HSPA12A: variants seen among roughly 807,000 people sequenced by gnomAD.
HSPA12A encodes the protein heat shock 70 kDa protein 12A.
HSPA12A carries 28 observed loss-of-function variants against 69.2 expected under a neutral mutation model. That is an observed-to-expected ratio of 0.40 (90% CI 0.30 to 0.55). HSPA12A has a LOEUF of 0.55. HSPA12A is among the 20% of genes least tolerant of loss of function. HSPA12A has a pLI of 0.38. For synonymous variants in HSPA12A, 345 were observed against 370.5 expected, an observed-to-expected ratio of 0.93 and a Z score of 0.79; for missense variants, 686 against 900.7, an observed-to-expected ratio of 0.76 and a Z score of 3.05.
At chr10:116,765,730 A>G (rs1452673504) in intron 2 of HSPA12A, among the ~76,000 whole-genome samples, 1 of 152,154 alleles carries the variant, frequency 6.6e-6, no homozygotes, top group African/African-American at 2.4e-5. Flanking sequence ...AACCTGCCAT[A>G]GCCTGCTGTT....
At chr10:116,823,637 A>G (rs184536535) in intron 2 of HSPA12A, among the ~76,000 whole-genome samples, 16 of 152,338 alleles carry the variant, frequency 1.1e-4, no homozygotes, top group Admixed American at 1.0e-3. Flanking sequence ...GGGTGAAGAC[A>G]ATTTAGTGGG....
At chr10:116,713,513 G>A (rs376132960) in intron 1 of HSPA12A, among the ~76,000 whole-genome samples, 11 of 152,072 alleles carry the variant, frequency 7.2e-5, no homozygotes, top group East Asian at 1.9e-4. Context: ...ATCCTGACAC[G>A]GGGTAGCAAC....
In HSPA12A at chr10:116,738,928, A is replaced by T. The variant is rs58409652; in HGVS notation, c.40+3502T>A. Among the ~76,000 whole-genome samples, 393 of 152,368 alleles carry T rather than the reference A, an allele frequency of 2.6e-3. 1 individual carries two copies. The highest frequency in any genetic ancestry group is 9.1e-3 in the African/African-American group (378 of 41,590). ...ACCAAGGCGGCAGACAAGTTGCAGC[A>T]GCAGATGTTGACACGGAAGTGGATC... is the stretch of plus-strand genomic sequence containing the variant. On this transcript the variant is annotated intron_variant, in intron 1 of 11. Coordinates refer to ENST00000369209, the MANE Select transcript of HSPA12A (RefSeq NM_025015.3).
chr10:116,841,012 T>C (rs1429776769), intron 1 of HSPA12A, among the ~76,000 whole-genome samples: 1 of 152,182 alleles, frequency 6.6e-6, no homozygotes, highest in Non-Finnish European at 1.5e-5. Context: ...GCTGCTTCCC[T>C]TGGCCGTATC....
intron 1 of HSPA12A, among the ~76,000 whole-genome samples, chr10:116,726,031 A>G (rs7909595): frequency 9.5e-4 from 68 of 71,708 alleles, no homozygotes; most frequent in African/African-American, 3.8e-3. Flanking sequence ...ACACACGCAC[A>G]CACACACACA....
At chr10:116,776,939 G>C (rs1024195173) in intron 2 of HSPA12A, among the ~76,000 whole-genome samples, 2 of 152,232 alleles carry the variant, frequency 1.3e-5, no homozygotes, top group African/African-American at 4.8e-5. Context: ...GGGAGATATT[G>C]ACAACCTGGA....
intron 2 of HSPA12A, among the ~76,000 whole-genome samples, chr10:116,806,829 T>C (rs925435285): frequency 6.6e-6 from 1 of 152,196 alleles, no homozygotes; most frequent in East Asian, 1.9e-4. Flanking sequence ...GATATATCCA[T>C]GTCAAATCCC....
At chr10:116,836,826 C>G (rs185296540) in intron 1 of HSPA12A, among the ~76,000 whole-genome samples, 38 of 151,876 alleles carry the variant, frequency 2.5e-4, no homozygotes, top group Middle Eastern at 3.4e-3. Context: ...CCTAAAATTA[C>G]ATCTATTCGT....
chr10:116,782,226 C>T (rs1554891874), intron 2 of HSPA12A, among the ~76,000 whole-genome samples: 1 of 152,046 alleles, frequency 6.6e-6, no homozygotes, highest in African/African-American at 2.4e-5. Context: ...TGTGACTATC[C>T]CAAGGGTTGG....
At chr10:116,784,670 C>T (rs973962126) in intron 2 of HSPA12A, among the ~76,000 whole-genome samples, 1 of 152,212 alleles carries the variant, frequency 6.6e-6, no homozygotes, top group Non-Finnish European at 1.5e-5. Context: ...TGCTCCTTCC[C>T]GTTCCCTCCA....
upstream of HSPA12A, chr10:116,849,793 G>GCAACGCCTTGCGCCTGCGC (rs1209967550): frequency 6.9e-7 from 1 of 1,447,062 alleles, no homozygotes; most frequent in Non-Finnish European, 9.2e-7. Flanking sequence ...CCGCGCTGCG[G>GCAACGCCTTGCGCCTGCGC]CAACGCCTTG....
chr10:116,729,444 C>T (rs1440570102), intron 1 of HSPA12A, among the ~76,000 whole-genome samples: 1 of 152,236 alleles, frequency 6.6e-6, no homozygotes, highest in African/African-American at 2.4e-5. Context: ...CTACAGTTGA[C>T]CTTTGAACGA....
At chr10:116,736,472 A>T (rs929521861) in intron 1 of HSPA12A, among the ~76,000 whole-genome samples, 6 of 152,218 alleles carry the variant, frequency 3.9e-5, no homozygotes, top group African/African-American at 1.4e-4. Flanking sequence ...TGACTATGTT[A>T]TCTCCTATGG....
At chr10:116,787,440 C>CAAAAAAAAAAA (rs776783179) in intron 2 of HSPA12A, among the ~76,000 whole-genome samples, 1 of 68,622 alleles carries the variant, frequency 1.5e-5, no homozygotes, top group Non-Finnish European at 2.8e-5. Flanking sequence ...CTCTAGCCAG[C>CAAAAAAAAAAA]AAAAAAAAAA....
chr10:116,835,765 C>A (rs1205035361), intron 1 of HSPA12A, among the ~76,000 whole-genome samples: 1 of 152,122 alleles, frequency 6.6e-6, no homozygotes, highest in African/African-American at 2.4e-5. Context: ...CACACTTGTG[C>A]CGAAAGCAGT....
At chr10:116,781,593 T>C (rs889906886) in intron 2 of HSPA12A, among the ~76,000 whole-genome samples, 14 of 152,192 alleles carry the variant, frequency 9.2e-5, no homozygotes, top group Non-Finnish European at 4.4e-5. Flanking sequence ...TGTGTCGGTT[T>C]CTCAGGAAGC....
intron 2 of HSPA12A, among the ~76,000 whole-genome samples, chr10:116,826,787 T>G (rs1845515063): frequency 6.6e-6 from 1 of 152,244 alleles, no homozygotes; most frequent in Admixed American, 6.5e-5. Context: ...TATGTGGCTC[T>G]TTGTACATTT....
chr10:116,844,409 A>C (rs1198433290), intron 1 of HSPA12A, among the ~76,000 whole-genome samples: 1 of 152,236 alleles, frequency 6.6e-6, no homozygotes, highest in African/African-American at 2.4e-5. Context: ...TTTATTAGCC[A>C]GATAATTCCT....
intron 1 of HSPA12A, among the ~76,000 whole-genome samples, chr10:116,722,004 C>T (rs1665653): frequency 1 from 152,327 of 152,360 alleles, 76,147 homozygotes; most frequent in Non-Finnish European, 1. Flanking sequence ...GATGGACAAC[C>T]GCCCAAGTTC....
Sources: gnomAD v4.1 joint callset for allele counts (sites outside exome capture counted in the v4.1 genomes callset) on GRCh38, gnomAD v4.1.1 for gene constraint, MANE v1.5 for transcripts, NCBI Gene and HGNC (gene_info 2026-07-23, HGNC 2026-07-21) for gene names.